Variants in HELLS observed in about 807,000 individuals in gnomAD.
HELLS encodes the protein lymphoid-specific helicase.
In HELLS, 32 loss-of-function variants were observed where a neutral mutation model predicts 120.0. The ratio of observed to expected loss-of-function variants is 0.27; its 90% CI spans 0.20 to 0.36. The LOEUF (loss-of-function observed/expected upper bound fraction) is 0.36, where lower values mean the gene tolerates loss of function less well. Ranked by LOEUF, HELLS falls within the 10% of genes least tolerant of loss-of-function variation. The pLI is 1.00. For missense variants in HELLS, 650 were observed against 993.4 expected (o/e 0.65, Z 4.65); for synonymous variants, 341 against 323.4 (o/e 1.05, Z -0.58).
At chr10:94,556,224 T>C (rs893260595) in intron 3 of HELLS, among the ~76,000 whole-genome samples, 3 of 152,244 alleles carry the variant, frequency 2.0e-5, no homozygotes, top group Non-Finnish European at 4.4e-5. Context: ...AATGCTTGTT[T>C]GGTGTATAGG....
chr10:94,561,752 C>G (rs889593269), intron 4 of HELLS, among the ~76,000 whole-genome samples: 1 of 152,128 alleles, frequency 6.6e-6, no homozygotes, highest in Non-Finnish European at 1.5e-5. Context: ...TAGGTGTGAG[C>G]CACTGCACCT....
chr10:94,580,156 T>TATA (rs1554832694), intron 10 of HELLS, among the ~76,000 whole-genome samples: 14 of 49,204 alleles, frequency 2.8e-4, no homozygotes, highest in African/African-American at 1.2e-3. Flanking sequence ...TATATATATA[T>TATA]ATATATACAC....
downstream of HELLS, among the ~76,000 whole-genome samples, chr10:94,606,359 G>A (rs564706691): frequency 1.5e-4 from 23 of 150,962 alleles, no homozygotes; most frequent in African/African-American, 5.6e-4. Context: ...TTTTTTGTTT[G>A]AATGAGACAT....
At chr10:94,590,109 C>T (rs1046424094) in intron 13 of HELLS, among the ~76,000 whole-genome samples, 1 of 152,190 alleles carries the variant, frequency 6.6e-6, no homozygotes, top group African/African-American at 2.4e-5. Context: ...TTACACCAGT[C>T]TGAAGAAATA....
chr10:94,604,684 C>G (rs893844259), downstream of HELLS, among the ~76,000 whole-genome samples: 1 of 152,058 alleles, frequency 6.6e-6, no homozygotes, highest in Non-Finnish European at 1.5e-5. Flanking sequence ...AGTTATATAA[C>G]TTTTGATTGG....
At chr10:94,567,576 C>T (rs1455844420) in intron 6 of HELLS, among the ~76,000 whole-genome samples, 1 of 152,176 alleles carries the variant, frequency 6.6e-6, no homozygotes, top group East Asian at 1.9e-4. Flanking sequence ...AGATTACAGG[C>T]ATGAGCCACT....
At chr10:94,609,924 G>A (rs567295554) in exon 10 of HELLS, 1 of 152,240 alleles carries the variant, frequency 6.6e-6, no homozygotes, top group African/African-American at 2.4e-5. Context: ...TCTTTTTCTT[G>A]GGGGACAAGA....
intron 6 of HELLS, among the ~76,000 whole-genome samples, chr10:94,568,198 G>A (rs1467450700): frequency 3.4e-5 from 5 of 148,798 alleles, no homozygotes; most frequent in South Asian, 2.1e-4. Context: ...GTGAGCCACC[G>A]CGCCTGGCCC....
At chr10:94,546,093 C>A in intron 1 of HELLS, 141 bp downstream of exon 1, 1 of 1,009,628 alleles carries the variant, frequency 9.9e-7, no homozygotes, top group Non-Finnish European at 1.5e-6. Context: ...GAAACTGCAA[C>A]GGTGAGTGGA....
chr10:94,549,785 G>GA (rs1429414051), intron 2 of HELLS, among the ~76,000 whole-genome samples: 1 of 151,998 alleles, frequency 6.6e-6, no homozygotes, highest in African/African-American at 2.4e-5. Flanking sequence ...GATAAATAAA[G>GA]AAAAAACAGT....
Position 94,581,652 on chromosome 10 carries a change from C to T in HELLS, c.1229+130C>T, listed in dbSNP as rs576507994. On this transcript the variant is annotated intron_variant, in intron 11 of 21. Coordinates refer to ENST00000348459, the MANE Select transcript of HELLS (RefSeq NM_018063.5). Reference sequence around the variant, plus strand: ...TTCTTTGTGGTGTATATTGTATGTTCTACTCCTGCCACAAATTATGTGAGA... The same window carrying T: ...TTCTTTGTGGTGTATATTGTATGTTTTACTCCTGCCACAAATTATGTGAGA... The T allele has an allele frequency of 7.3e-6, 4 of 547,196 alleles. No individual in the cohort carries two copies. In the South Asian group the frequency reaches 9.8e-5, roughly 13 times the overall value. 33.9% of individuals were successfully genotyped at this position (547,196 alleles called of 1,614,324 possible). A position where few individuals can be genotyped will look rare whatever the true frequency, so the allele number is the denominator to read the frequency against.
rs377232499 is a variant in HELLS, at chr10:94,590,564, A to G, written c.1628+12A>G. On this transcript the variant is annotated intron_variant, in intron 14 of 21. Coordinates refer to ENST00000348459, the MANE Select transcript of HELLS (RefSeq NM_018063.5). Reference sequence around the variant, plus strand: ...GTGGACCGAGAAAGGTTTGAATTCAAAAGTGAATTTAAGTATTCTTTAAAC... The same window carrying G: ...GTGGACCGAGAAAGGTTTGAATTCAGAAGTGAATTTAAGTATTCTTTAAAC... 2.2e-5 allele frequency: 35 copies of G among 1,610,794 alleles called. No homozygotes were observed. The East Asian group carries it at 2.5e-4, about 11-fold the overall frequency.
At position 94,592,487 on chromosome 10, in the gene HELLS, C is replaced by A; in HGVS notation, c.1944C>A (p.Ser648=). The change falls in exon 17 of 22, where the codon TCC becomes TCA. Residue 648 remains serine, a synonymous_variant. Transcript: ENST00000348459. Reference sequence around the variant, plus strand: ...TCAACTTCAGCAGGCTTGATGGGTCCATGTCTTACTCAGAGAGAGAAAAAA... The same window carrying A: ...TCAACTTCAGCAGGCTTGATGGGTCAATGTCTTACTCAGAGAGAGAAAAAA... ...RDFNFSRLDG[S]MSYSEREKNM... 2.6e-6 allele frequency: 4 copies of A among 1,525,046 alleles called. No homozygotes were observed. The highest frequency in any genetic ancestry group is 3.5e-6 in the Non-Finnish European group (4 of 1,140,412). 94.5% of individuals were successfully genotyped at this position (1,525,046 alleles called of 1,614,324 possible). A position where few individuals can be genotyped will look rare whatever the true frequency, so the allele number is the denominator to read the frequency against.
chr10:94,582,885 C>T, intron 11 of HELLS, 78 bp from the exon 12 acceptor site: 1 of 768,148 alleles, frequency 1.3e-6, no homozygotes. Context: ...CAGATTATTA[C>T]TGTAAATGAT....
At chr10:94,583,410 G>A (rs79830854) in intron 12 of HELLS, among the ~76,000 whole-genome samples, 1 of 152,074 alleles carries the variant, frequency 6.6e-6, no homozygotes, top group South Asian at 2.1e-4. Flanking sequence ...TATTTTTATT[G>A]CTTCCTGTAA....
At chr10:94,575,572 A>C (rs181777979) in intron 9 of HELLS, among the ~76,000 whole-genome samples, 113 of 152,000 alleles carry the variant, frequency 7.4e-4, no homozygotes, top group Middle Eastern at 3.4e-3. Flanking sequence ...ACAGGCGCAC[A>C]CCACAAGGCC....
At chr10:94,580,994 CATT>C (rs1019151992) in intron 10 of HELLS, among the ~76,000 whole-genome samples, 6 of 152,134 alleles carry the variant, frequency 3.9e-5, no homozygotes, top group Non-Finnish European at 7.4e-5. Context: ...TCTAGTGTAA[CATT>C]AATATCAAAA....
At chr10:94,575,590 T>A (rs1844404089) in intron 9 of HELLS, among the ~76,000 whole-genome samples, 1 of 152,022 alleles carries the variant, frequency 6.6e-6, no homozygotes, top group South Asian at 2.1e-4. Context: ...GCCAGGCTAA[T>A]TTTTTGTATT....
In HELLS at chr10:94,608,004, C is replaced by T. The variant is rs544664023; in HGVS notation, c.912C>T (p.Ser304=). The change falls in exon 9 of 10, where the codon AGC becomes AGT. Residue 304 remains serine, a synonymous_variant. Transcript: ENST00000371327. ...CCTCCCAAAGTGCTGGGATTACAAGCGTGAGCCACTGCGTGGCCTGAGGTA... is the reference window on the plus strand; with the variant it reads ...CCTCCCAAAGTGCTGGGATTACAAGTGTGAGCCACTGCGTGGCCTGAGGTA... The T allele has an allele frequency of 6.6e-5, 23 of 346,722 alleles. No individual in the cohort carries two copies. In the East Asian group the frequency reaches 1.9e-3, roughly 29 times the overall value. The allele number at this position is 346,722 out of a possible 1,614,324, so 21.5% of individuals were successfully genotyped here.
Sources: gnomAD v4.1 joint callset for allele counts (sites outside exome capture counted in the v4.1 genomes callset) on GRCh38, gnomAD v4.1.1 for gene constraint, MANE v1.5 for transcripts, NCBI Gene and HGNC (gene_info 2026-07-23, HGNC 2026-07-21) for gene names.